Variants in TENM2 observed in about 807,000 individuals in gnomAD.
The protein encoded by TENM2 is teneurin transmembrane protein 2, also known as teneurin-2.
Under a neutral mutation model 245.2 loss-of-function variants are expected in TENM2, and 52 were observed. That is an observed-to-expected ratio of 0.21 (90% CI 0.17 to 0.27). TENM2 has a LOEUF of 0.27. TENM2 is among the 10% of genes least tolerant of loss of function. The pLI, the probability that TENM2 is intolerant of heterozygous loss-of-function variation, is 1.00. For missense variants in TENM2, 3,046 were observed against 3,666.8 expected (o/e 0.83, Z 4.37); for synonymous variants, 1,363 against 1,438.9 (o/e 0.95, Z 1.19).
At chr5:168,261,551 G>A (rs142328830) in intron 28 of TENM2, among the ~76,000 whole-genome samples, 16 of 152,338 alleles carry the variant, frequency 1.1e-4, no homozygotes, top group African/African-American at 3.6e-4. Flanking sequence ...CTTAACCCAA[G>A]GAAGTTAATG....
In TENM2 at chr5:167,776,608, A is replaced by G. The variant is rs1248832344; in HGVS notation, c.503-99378A>G. 4.1e-5 allele frequency among the ~76,000 whole-genome samples: 4 copies of G among 96,776 alleles called. 1 individual carries two copies. Among genetic ancestry groups the G allele is most frequent in the African/African-American group, 1.9e-4 (4 of 21,486 alleles). 63.5% of individuals were successfully genotyped at this position (96,776 alleles called of 152,430 possible). On this transcript the variant is annotated intron_variant, in intron 2 of 28. Coordinates refer to ENST00000518659, the Ensembl canonical transcript of TENM2. ...GACCCTGTCTGAAAAAAAAAAAAAA[A>G]AAAAAAAAAAAAAAAAAACCATATA...
chr5:168,209,911 G>T (rs1762656630), intron 19 of TENM2, among the ~76,000 whole-genome samples: 3 of 152,200 alleles, frequency 2.0e-5, no homozygotes, highest in Admixed American at 2.0e-4. Flanking sequence ...GCAGCTCTGA[G>T]AGACGGGCTG....
At chr5:167,921,458 G>C (rs1777364052) in intron 3 of TENM2, among the ~76,000 whole-genome samples, 1 of 152,136 alleles carries the variant, frequency 6.6e-6, no homozygotes. Flanking sequence ...AGAGTTTCCT[G>C]GTCAATGTGA....
intron 1 of TENM2, chr5:167,287,960 G>C (rs1054559154): frequency 2.0e-5 from 3 of 152,192 alleles, no homozygotes; most frequent in African/African-American, 7.2e-5. Context: ...GCAGTGGTCT[G>C]ATCCCTGGTC....
chr5:167,630,909 A>G (rs114124346), intron 2 of TENM2, among the ~76,000 whole-genome samples: 2,563 of 152,324 alleles, frequency 0.017, 39 homozygotes, highest in Non-Finnish European at 0.023. Flanking sequence ...TTTTCAGTCC[A>G]CCTAGGAAAG....
rs370383172 is a variant in TENM2 at position 167,853,057 on chromosome 5, C to T, written c.503-22929C>T. Among the ~76,000 whole-genome samples, 5 of 151,490 alleles carry T rather than the reference C, an allele frequency of 3.3e-5. No homozygotes were observed. In the South Asian group the frequency reaches 1.0e-3, roughly 32 times the overall value. On this transcript the variant is annotated intron_variant, in intron 2 of 28. Transcript: ENST00000518659. Reference sequence around the variant, plus strand: ...ATCCCAGCACTTTGGGAGGCCGAGGCGGGCGCATCAGGAGGACAGGAGATC... The same window carrying T: ...ATCCCAGCACTTTGGGAGGCCGAGGTGGGCGCATCAGGAGGACAGGAGATC...
At chr5:167,949,307 A>G (rs563738415) in intron 3 of TENM2, among the ~76,000 whole-genome samples, 1 of 152,318 alleles carries the variant, frequency 6.6e-6, no homozygotes, top group South Asian at 2.1e-4. Flanking sequence ...TTTGCTTTCA[A>G]GAGAAGTCAG....
chr5:167,837,804 G>GTT (rs55864098), intron 2 of TENM2, among the ~76,000 whole-genome samples: 76 of 147,906 alleles, frequency 5.1e-4, no homozygotes, highest in African/African-American at 1.5e-3. Context: ...AAAGGGCTTG[G>GTT]TTTTTTTTTT....
intron 9 of TENM2, among the ~76,000 whole-genome samples, chr5:168,102,656 A>G (rs1471567612): frequency 6.6e-6 from 1 of 152,218 alleles, no homozygotes; most frequent in Non-Finnish European, 1.5e-5. Flanking sequence ...CACCTGTGGG[A>G]TGAAATGAGA....
the TENM2 span, among the ~76,000 whole-genome samples, chr5:167,276,796 A>AT: frequency 2.3e-3 from 347 of 152,100 alleles, 1 homozygote; most frequent in African/African-American, 7.8e-3. Context: ...TATTTGTATG[A>AT]TTTTTTATTG....
At chr5:168,083,310 A>G (rs1792166264) in intron 7 of TENM2, among the ~76,000 whole-genome samples, 1 of 152,202 alleles carries the variant, frequency 6.6e-6, no homozygotes. Context: ...AAAGCGCAGT[A>G]TTAGGGTGGG....
intron 2 of TENM2, among the ~76,000 whole-genome samples, chr5:167,679,751 T>C (rs921136381): frequency 6.6e-6 from 1 of 152,148 alleles, no homozygotes; most frequent in Non-Finnish European, 1.5e-5. Flanking sequence ...AAGAGTTACA[T>C]TTTATTGATG....
In TENM2 at chr5:167,314,753, A is replaced by G. The variant is rs1756254204; in HGVS notation, c.226+29690A>G. Among the ~76,000 whole-genome samples, 5 of 152,120 alleles carry G rather than the reference A, an allele frequency of 3.3e-5. No individual in the cohort carries two copies. The South Asian group carries it at 1.0e-3, about 31-fold the overall frequency. ...CAATAATAACATTTTAATATGTATTATTATAAAGATATGCTACATGTAGCC... is the reference window on the plus strand; with the variant it reads ...CAATAATAACATTTTAATATGTATTGTTATAAAGATATGCTACATGTAGCC... On this transcript the variant is annotated intron_variant, in intron 1 of 28. Coordinates refer to ENST00000518659, the Ensembl canonical transcript of TENM2.
Position 167,322,224 on chromosome 5 carries a change from TTTG to T in TENM2, c.226+37165_226+37167del, listed in dbSNP as rs1756800208. Among the ~76,000 whole-genome samples, 3 of 151,844 alleles carry T rather than the reference TTTG, an allele frequency of 2.0e-5. No individual in the cohort carries two copies. In the South Asian group the frequency reaches 6.2e-4, roughly 32 times the overall value. On this transcript the variant is annotated intron_variant, in intron 1 of 28. Transcript: ENST00000518659. ...GCTCAAAAATATTTGTTTTTTTTTTTTTGTTGCTGTTGTTTTTTGTTTTTTGTT... is the reference window on the plus strand; with the variant it reads ...GCTCAAAAATATTTGTTTTTTTTTTTTTGCTGTTGTTTTTTGTTTTTTGTT...
intron 2 of TENM2, chr5:167,754,793 T>C: frequency 2.9e-6 from 1 of 347,296 alleles, no homozygotes; most frequent in Non-Finnish European, 5.2e-6. Context: ...TCAGAGACAT[T>C]ACATGGGCAG....
intron 2 of TENM2, among the ~76,000 whole-genome samples, chr5:167,446,315 C>T (rs1291565976): frequency 6.6e-6 from 1 of 152,094 alleles, no homozygotes; most frequent in Non-Finnish European, 1.5e-5. Context: ...GTGATCAGTG[C>T]ATGTAAGCAT....
the TENM2 span, among the ~76,000 whole-genome samples, chr5:167,252,454 GGAA>G: frequency 6.6e-6 from 1 of 152,074 alleles, no homozygotes; most frequent in Non-Finnish European, 1.5e-5. Flanking sequence ...GTCATTTGGG[GGAA>G]GAAGGAGTCC....
the TENM2 span, among the ~76,000 whole-genome samples, chr5:167,152,252 A>T: frequency 6.6e-6 from 1 of 152,348 alleles, no homozygotes; most frequent in East Asian, 1.9e-4. Context: ...CACATTTACA[A>T]TCTGAAGAAG....
At chr5:167,758,193 C>T (rs1290105247) in intron 2 of TENM2, among the ~76,000 whole-genome samples, 1 of 152,174 alleles carries the variant, frequency 6.6e-6, no homozygotes, top group Non-Finnish European at 1.5e-5. Flanking sequence ...CATGTGGTCC[C>T]TATAGTGTCA....
Sources: allele counts gnomAD v4.1 joint callset (sites outside exome capture counted in the v4.1 genomes callset), GRCh38; gene constraint gnomAD v4.1.1; transcripts MANE v1.5; gene names NCBI Gene and HGNC (gene_info 2026-07-23, HGNC 2026-07-21).